The following PARVA variants were observed in gnomAD, a reference collection of about 807,000 sequenced individuals.
The protein encoded by PARVA is alpha-parvin.
In PARVA, 25 loss-of-function variants were observed where a neutral mutation model predicts 52.6. That is an observed-to-expected ratio of 0.48 (90% confidence interval 0.35 to 0.66). The LOEUF is 0.66. Ranked by LOEUF, PARVA falls within the 30% of genes least tolerant of loss-of-function variation. The probability of loss-of-function intolerance (pLI) is 0.01; values close to 1 mark genes in which losing one functional copy is unlikely to be tolerated. For synonymous variants in PARVA, 185 were observed against 179.1 expected, an observed-to-expected ratio of 1.03 and a Z score of -0.26; for missense variants, 373 against 450.9, an observed-to-expected ratio of 0.83 and a Z score of 1.56.
rs145965771 is a variant in PARVA, at chr11:12,532,957, G to A, written c.*5032G>A. 2.5e-4 allele frequency among the ~76,000 whole-genome samples: 38 copies of A among 152,302 alleles called. No individual in the cohort carries two copies. The highest frequency in any genetic ancestry group is 8.4e-4 in the African/African-American group (35 of 41,578). ...GTAGGAAAACTCTGGGGAAAGCTAC[G>A]TCAGCAATATGGAGTCTGGGGTTGC... On this transcript the variant is annotated 3_prime_UTR_variant, in exon 13 of 13. Transcript: ENST00000334956.
chr11:12,482,444 G>A (rs997652031), intron 4 of PARVA, among the ~76,000 whole-genome samples: 3 of 152,010 alleles, frequency 2.0e-5, no homozygotes, highest in Non-Finnish European at 2.9e-5. Flanking sequence ...GACCAACATG[G>A]TGAAACCCCC....
chr11:12,376,686 G>GT, upstream of PARVA: 1 of 972,250 alleles, frequency 1.0e-6, no homozygotes, highest in Non-Finnish European at 1.2e-6. Context: ...GAGTCTGTGT[G>GT]TGAGAGACAG....
chr11:12,407,078 G>A (rs1422207478), intron 1 of PARVA, among the ~76,000 whole-genome samples: 2 of 151,954 alleles, frequency 1.3e-5, no homozygotes, highest in Non-Finnish European at 2.9e-5. Flanking sequence ...GGAATTACTG[G>A]GTCAAAAGGT....
At chr11:12,394,911 G>C (rs1028616261) in intron 1 of PARVA, among the ~76,000 whole-genome samples, 2 of 151,958 alleles carry the variant, frequency 1.3e-5, no homozygotes, top group African/African-American at 4.8e-5. Context: ...GACCAACATG[G>C]TGAAACCCCA....
intron 7 of PARVA, 25 bp from the exon 8 acceptor site, chr11:12,511,489 T>A (rs776352899): frequency 1.9e-6 from 3 of 1,611,190 alleles, no homozygotes; most frequent in Non-Finnish European, 2.5e-6. Flanking sequence ...AGAGTCACAC[T>A]ATTTTCTTTC....
intron 1 of PARVA, among the ~76,000 whole-genome samples, chr11:12,453,717 G>A (rs1312769288): frequency 6.6e-6 from 1 of 152,178 alleles, no homozygotes; most frequent in Non-Finnish European, 1.5e-5. Context: ...TTGGGTTGAT[G>A]GCTGAGCTGA....
At chr11:12,505,857 C>G (rs1278403884) in intron 6 of PARVA, among the ~76,000 whole-genome samples, 2 of 152,118 alleles carry the variant, frequency 1.3e-5, no homozygotes, top group Non-Finnish European at 2.9e-5. Context: ...ATTAGGGAGG[C>G]AGAGATGAAT....
intron 1 of PARVA, among the ~76,000 whole-genome samples, chr11:12,382,559 A>G (rs375829664): frequency 1.3e-5 from 2 of 152,144 alleles, no homozygotes; most frequent in African/African-American, 4.8e-5. Flanking sequence ...TAATAATTTC[A>G]TGTAAAAAAT....
At position 12,533,153 on chromosome 11, in the gene PARVA, T is replaced by C. The variant is rs1941793727; in HGVS notation, c.*5228T>C. On this transcript the variant is annotated 3_prime_UTR_variant, in exon 13 of 13. Coordinates refer to ENST00000334956, the MANE Select transcript of PARVA (RefSeq NM_018222.5). ...AGGAACTCCTGGACTACCCCCAGCC[T>C]CTCCACAATGTGTCCTGAGAAGAGC... is the stretch of plus-strand genomic sequence containing the variant. Among the ~76,000 whole-genome samples, 1 of 152,092 alleles carries C rather than the reference T, an allele frequency of 6.6e-6. No homozygotes were observed. The highest frequency in any genetic ancestry group is 2.1e-4 in the South Asian group (1 of 4,826).
intron 1 of PARVA, among the ~76,000 whole-genome samples, chr11:12,382,559 A>C (rs375829664): frequency 6.6e-6 from 1 of 152,144 alleles, no homozygotes; most frequent in South Asian, 2.1e-4. Flanking sequence ...TAATAATTTC[A>C]TGTAAAAAAT....
In PARVA at chr11:12,422,625, T is replaced by C. The variant is rs1167919311; in HGVS notation, c.136+44842T>C. Among the ~76,000 whole-genome samples the C allele has an allele frequency of 3.3e-5, 5 of 152,126 alleles. No homozygotes were observed. The East Asian group carries it at 9.6e-4, about 29-fold the overall frequency. On this transcript the variant is annotated intron_variant, in intron 1 of 12. Transcript: ENST00000334956. ...TAGGGTCATTTCCCAGTGTGTGTAA[T>C]GCAACTATAAAGTGCCTGGCACAGG...
At chr11:12,521,019 C>T (rs1448215309) in intron 12 of PARVA, among the ~76,000 whole-genome samples, 1 of 152,202 alleles carries the variant, frequency 6.6e-6, no homozygotes, top group Non-Finnish European at 1.5e-5. Flanking sequence ...CACATGTCTT[C>T]AAATGCACAT....
chr11:12,457,369 C>T (rs1383834223), intron 1 of PARVA, among the ~76,000 whole-genome samples: 1 of 152,192 alleles, frequency 6.6e-6, no homozygotes, highest in East Asian at 1.9e-4. Context: ...TTGCTGTTTC[C>T]AATGCAGTAG....
chr11:12,390,329 G>A (rs1006915891), intron 1 of PARVA, among the ~76,000 whole-genome samples: 31 of 152,144 alleles, frequency 2.0e-4, no homozygotes, highest in African/African-American at 7.2e-4. Flanking sequence ...ATTCAGGAGG[G>A]GTCTGTAGTT....
intron 1 of PARVA, among the ~76,000 whole-genome samples, chr11:12,470,688 G>A (rs1940921387): frequency 1.3e-5 from 2 of 151,716 alleles, no homozygotes. Context: ...AGATCATGAT[G>A]AGAAAATAAA....
At chr11:12,437,397 A>C (rs1940400759) in intron 1 of PARVA, among the ~76,000 whole-genome samples, 1 of 152,112 alleles carries the variant, frequency 6.6e-6, no homozygotes, top group Admixed American at 6.6e-5. Context: ...GCCTCCTATC[A>C]CAAGTTAATT....
chr11:12,483,208 C>A (rs1941111415), intron 4 of PARVA, among the ~76,000 whole-genome samples: 2 of 152,216 alleles, frequency 1.3e-5, no homozygotes, highest in Non-Finnish European at 2.9e-5. Flanking sequence ...GCTGCCCAAC[C>A]CAGCTGCCCC....
chr11:12,426,142 A>G (rs1361841414), intron 1 of PARVA, among the ~76,000 whole-genome samples: 2 of 152,212 alleles, frequency 1.3e-5, no homozygotes, highest in Non-Finnish European at 2.9e-5. Flanking sequence ...ATAACTTCAA[A>G]TTTTGTTAAG....
At chr11:12,480,496 A>G (rs1941072743) in intron 4 of PARVA, 1 of 152,178 alleles carries the variant, frequency 6.6e-6, no homozygotes, top group Non-Finnish European at 1.5e-5. Context: ...AAAATGTTCT[A>G]TGCTAGGCTG....
Sources: gnomAD v4.1 joint callset for allele counts (sites outside exome capture counted in the v4.1 genomes callset) on GRCh38, gnomAD v4.1.1 for gene constraint, MANE v1.5 for transcripts, NCBI Gene and HGNC (gene_info 2026-07-23, HGNC 2026-07-21) for gene names.